Variants in RPAIN observed in about 807,000 individuals in gnomAD.
RPAIN encodes RPA-interacting protein.
In RPAIN, 29 loss-of-function variants were observed where a neutral mutation model predicts 30.5. That is an observed-to-expected ratio of 0.95 (90% confidence interval 0.71 to 1.30). The LOEUF (loss-of-function observed/expected upper bound fraction) is 1.30. Ranked by LOEUF, RPAIN falls within the 50% of genes most tolerant of loss-of-function variation. The probability of loss-of-function intolerance (pLI) is 0.00; values close to 1 mark genes in which losing one functional copy is unlikely to be tolerated. For missense variants in RPAIN, 247 were observed against 264.7 expected (o/e 0.93, Z 0.46); for synonymous variants, 101 against 93.5 (o/e 1.08, Z -0.46).
At chr17:5,430,753 T>C (rs1915822357) in intron 6 of RPAIN, 1 of 152,250 alleles carries the variant, frequency 6.6e-6, no homozygotes, top group Admixed American at 6.6e-5. Context: ...TGAGTTAAGG[T>C]GGAGGGAGGA....
chr17:5,420,446 C>G (rs1914645489), intron 1 of RPAIN, among the ~76,000 whole-genome samples, 155 bp downstream of exon 1: 1 of 151,976 alleles, frequency 6.6e-6, no homozygotes, highest in African/African-American at 2.4e-5. Flanking sequence ...TGGGATTAGC[C>G]CGGGTCGGTC....
chr17:5,426,840 C>A (rs544418084), intron 5 of RPAIN: 2 of 151,444 alleles, frequency 1.3e-5, no homozygotes, highest in East Asian at 3.9e-4. Context: ...GATGGGTTTT[C>A]ACCATCTTGG....
chr17:5,428,589 A>C, intron 6 of RPAIN: 1 of 1,044,160 alleles, frequency 9.6e-7, no homozygotes, highest in Non-Finnish European at 1.2e-6. Context: ...GCAGGGCAGC[A>C]TTAGGTTTGT....
At chr17:5,428,975 T>A in intron 6 of RPAIN, 1 of 963,804 alleles carries the variant, frequency 1.0e-6, no homozygotes, top group Middle Eastern at 5.3e-4. Context: ...CAGAGGTCAT[T>A]TTTATTATAA....
chr17:5,431,031 A>AGT, intron 6 of RPAIN: 1 of 195,968 alleles, frequency 5.1e-6, no homozygotes, highest in South Asian at 9.9e-5. Context: ...CCTAACCGTC[A>AGT]GTGCCCTGTG....
chr17:5,429,585 C>G, intron 6 of RPAIN: 2 of 985,396 alleles, frequency 2.0e-6, no homozygotes, highest in Non-Finnish European at 2.4e-6. Flanking sequence ...TGGAAGGATG[C>G]CATTTTCCAT....
At position 5,420,239 on chromosome 17, in the gene RPAIN, G is replaced by T. The variant is rs375093567; in HGVS notation, c.29G>T (p.Arg10Leu). 277 of 1,613,238 alleles carry T rather than the reference G, an allele frequency of 1.7e-4. No homozygotes were observed. The highest frequency in any genetic ancestry group is 2.3e-4 in the Non-Finnish European group (269 of 1,179,786). MAESLRSPR[R>L]SLYKLVGSPP... Reference sequence around the variant, plus strand: ...GCGGAGTCGTTGAGGTCTCCGCGCCGCTCCCTGTACAAACTGGTGGGCTCG... The same window carrying T: ...GCGGAGTCGTTGAGGTCTCCGCGCCTCTCCCTGTACAAACTGGTGGGCTCG... Residue 10 changes from arginine (R) to leucine (L), a missense_variant, in exon 1 of 7, where the codon CGC (arginine) becomes CTC (leucine). Arg to Leu is a moderately radical substitution (Grantham distance 102, BLOSUM62 -2). Coordinates refer to ENST00000381209, the MANE Select transcript of RPAIN (RefSeq NM_001033002.4).
chr17:5,421,417 A>AAG lies in RPAIN; in HGVS notation c.203_204insAG (p.Trp69GlyfsTer21), dbSNP rs767852071. On this transcript the variant is annotated frameshift_variant, in exon 2 of 7. Coordinates refer to ENST00000381209, the MANE Select transcript of RPAIN (RefSeq NM_001033002.4). LOFTEE classifies it high-confidence loss of function. ...CTAGTTCAAGAGGTGATGGAAGAAG[A>AAG]GTGGAATGCTTTGCAGTCAGTGGAG... 7 of 1,613,982 alleles carry AAG rather than the reference A, an allele frequency of 4.3e-6. No homozygotes were observed. The highest frequency in any genetic ancestry group is 1.3e-5 in the African/African-American group (1 of 74,874).
chr17:5,431,767 G>A (rs927947089), intron 6 of RPAIN: 1 of 406,092 alleles, frequency 2.5e-6, no homozygotes, highest in Admixed American at 2.8e-5. Context: ...TGCTCAAGTG[G>A]TGGTCCTGGG....
At chr17:5,425,694 A>G (rs747849992) in intron 3 of RPAIN, among the ~76,000 whole-genome samples, 1 of 152,082 alleles carries the variant, frequency 6.6e-6, no homozygotes, top group Admixed American at 6.5e-5. Context: ...GACATTCTGT[A>G]TCTGTGCTCC....
chr17:5,425,404 C>T (rs1915287064), intron 3 of RPAIN: 3 of 446,182 alleles, frequency 6.7e-6, no homozygotes, highest in African/African-American at 4.0e-5. Flanking sequence ...GGCGCAATCT[C>T]GGATCACTGC....
In RPAIN at chr17:5,432,668, G is replaced by T; in HGVS notation, c.*97G>T. 8.2e-7 allele frequency: 1 copy of T among 1,212,200 alleles called. No homozygotes were observed. The highest frequency in any genetic ancestry group is 1.3e-5 in the South Asian group (1 of 75,386). The allele number at this position is 1,212,200 out of a possible 1,614,324, so 75.1% of individuals were successfully genotyped here. A position where few individuals can be genotyped will look rare whatever the true frequency, so the allele number is the denominator to read the frequency against. On this transcript the variant is annotated 3_prime_UTR_variant, in exon 7 of 7. Transcript: ENST00000381209. ...AAGCCTTTTATTTATAACTTATTTTGTATTGAAACTTTTAAACAATACTGA... is the reference window on the plus strand; with the variant it reads ...AAGCCTTTTATTTATAACTTATTTTTTATTGAAACTTTTAAACAATACTGA...
chr17:5,421,562 C>A, intron 2 of RPAIN, 96 bp downstream of exon 2: 2 of 1,097,374 alleles, frequency 1.8e-6, no homozygotes, highest in Non-Finnish European at 2.6e-6. Flanking sequence ...TCTAAACCCA[C>A]CATTCCCCTA....
intron 1 of RPAIN, 34 bp from the exon 2 acceptor site, chr17:5,421,262 T>C: frequency 6.4e-7 from 1 of 1,556,256 alleles, no homozygotes; most frequent in Non-Finnish European, 8.7e-7. Context: ...GAAATGCTTT[T>C]TTTTTCCCCC....
At chr17:5,420,401 G>A (rs1038886126) in intron 1 of RPAIN, 110 bp downstream of exon 1, 3 of 932,976 alleles carry the variant, frequency 3.2e-6, no homozygotes, top group African/African-American at 1.6e-5. Context: ...AGCGCGCCTG[G>A]TCTGGTCAAA....
intron 5 of RPAIN, 41 bp from the exon 6 acceptor site, chr17:5,428,030 A>G (rs1362836234): frequency 1.2e-6 from 2 of 1,603,934 alleles, no homozygotes; most frequent in African/African-American, 1.3e-5. Flanking sequence ...TCTGTTGGCT[A>G]TCAAGTCACT....
At chr17:5,432,340 AGTT>A in intron 6 of RPAIN, 199 bp from the exon 7 acceptor site, 1 of 551,280 alleles carries the variant, frequency 1.8e-6, no homozygotes, top group Non-Finnish European at 3.2e-6. Context: ...TTCCCAGGGC[AGTT>A]GTTTGAAGGC....
At chr17:5,431,816 G>GTCTT (rs2151673775) in intron 6 of RPAIN, 1 of 356,300 alleles carries the variant, frequency 2.8e-6, no homozygotes, top group East Asian at 7.7e-5. Context: ...GAGTTACAGT[G>GTCTT]TCTTTTAGAG....
intron 1 of RPAIN, 29 bp downstream of exon 1, chr17:5,420,320 C>T (rs1914615672): frequency 5.7e-6 from 9 of 1,590,668 alleles, no homozygotes; most frequent in Non-Finnish European, 6.9e-6. Context: ...CAGTGGTCTA[C>T]CCTAGATCGT....
Sources: gnomAD v4.1 joint callset for allele counts (sites outside exome capture counted in the v4.1 genomes callset) on GRCh38, gnomAD v4.1.1 for gene constraint, MANE v1.5 for transcripts, NCBI Gene and HGNC (gene_info 2026-07-23, HGNC 2026-07-21) for gene names.